PCDHGB4: variants seen among roughly 807,000 people sequenced by gnomAD.
PCDHGB4 encodes the protein protocadherin gamma-B4.
Under a neutral mutation model 60.5 loss-of-function variants are expected in PCDHGB4, and 38 were observed. The observed-to-expected ratio is 0.63, with a 90% CI of 0.48 to 0.82. The LOEUF is 0.82. Among genes scored for constraint, PCDHGB4 ranks in the 40% least tolerant of loss-of-function variants. PCDHGB4 has a pLI of 0.00. For missense variants in PCDHGB4, 1,109 were observed against 1,209.6 expected, an observed-to-expected ratio of 0.92 and a Z score of 1.23; for synonymous variants, 456 against 509.7, an observed-to-expected ratio of 0.89 and a Z score of 1.42.
Position 141,476,836 on chromosome 5 carries a change from T to G in PCDHGB4, c.2398-17971T>G. 1 of 1,613,652 alleles carries G rather than the reference T, an allele frequency of 6.2e-7. No homozygotes were observed. The highest frequency in any genetic ancestry group is 8.5e-7 in the Non-Finnish European group (1 of 1,180,042). On this transcript the variant is annotated intron_variant, in intron 1 of 3. Coordinates refer to ENST00000519479, the MANE Select transcript of PCDHGB4 (RefSeq NM_003736.4). The surrounding 1 kb of genome is among the most constrained non-coding windows in gnomAD (Gnocchi z 7.6). ...TCAAGGTGCTGGACGCGAATGACAATGCGCCTGTCTTCAACCAGTCCTTGT... is the reference window on the plus strand; with the variant it reads ...TCAAGGTGCTGGACGCGAATGACAAGGCGCCTGTCTTCAACCAGTCCTTGT...
intron 1 of PCDHGB4, chr5:141,392,511 A>C (rs1368500575): frequency 4.2e-6 from 1 of 240,354 alleles, no homozygotes; most frequent in Non-Finnish European, 7.9e-6. Flanking sequence ...TTTTTTTCTC[A>C]GTAATCTAGT....
rs919430175 is a variant in PCDHGB4 at position 141,389,141 on chromosome 5, C to T, written c.1257C>T (p.Thr419=). 6.2e-7 allele frequency: 1 copy of T among 1,613,996 alleles called. No homozygotes were observed. The highest frequency in any genetic ancestry group is 8.5e-7 in the Non-Finnish European group (1 of 1,179,868). ...DREQNPEYNI[T]VTATDRGKPP... is the part of the protein sequence containing the mutation. Reference sequence around the variant, plus strand: ...AGCAGAATCCAGAGTACAATATAACCGTTACGGCAACAGATCGGGGCAAGC... The same window carrying T: ...AGCAGAATCCAGAGTACAATATAACTGTTACGGCAACAGATCGGGGCAAGC... Residue 419 remains threonine, a synonymous_variant, in exon 1 of 4, where the codon ACC becomes ACT. Coordinates refer to ENST00000519479, the MANE Select transcript of PCDHGB4 (RefSeq NM_003736.4).
chr5:141,491,332 C>T lies in PCDHGB4; in HGVS notation c.2398-3475C>T, dbSNP rs1013118722. 2 of 1,614,072 alleles carry T rather than the reference C, an allele frequency of 1.2e-6. No individual in the cohort carries two copies. The highest frequency in any genetic ancestry group is 2.7e-5 in the African/African-American group (2 of 74,944). On this transcript the variant is annotated intron_variant, in intron 1 of 3. Coordinates refer to ENST00000519479, the MANE Select transcript of PCDHGB4 (RefSeq NM_003736.4). This position sits in a 1 kb window ranked among gnomAD's most constrained non-coding sequence, Gnocchi z 6.9. ...CCTTACCCTTTACCTCATTGTGGCT[C>T]TAGCGACCGTCAGTCTCTTATCCCT...
intron 1 of PCDHGB4, chr5:141,423,755 G>T (rs1236551808): frequency 9.8e-6 from 5 of 512,508 alleles, no homozygotes; most frequent in Non-Finnish European, 1.3e-5. Flanking sequence ...CTGTTTGGGG[G>T]GGGGGTGGGG....
rs112731052 is a variant in PCDHGB4 at position 141,457,109 on chromosome 5, A to G, written c.2398-37698A>G. ...TATAAGGATACTAATTAAGCAAAAT[A>G]CGACAGCAATGGAAACTCTGTCCAA... is the stretch of plus-strand genomic sequence containing the variant. On this transcript the variant is annotated intron_variant, in intron 1 of 3. Coordinates refer to ENST00000519479, the MANE Select transcript of PCDHGB4 (RefSeq NM_003736.4). 8.3e-3 allele frequency among the ~76,000 whole-genome samples: 1,258 copies of G among 152,360 alleles called. 17 individuals are homozygous for G. Among genetic ancestry groups the G allele is most frequent in the African/African-American group, 0.029 (1,195 of 41,578 alleles).
Position 141,485,602 on chromosome 5 carries a change from G to A in PCDHGB4, c.2398-9205G>A, listed in dbSNP as rs766134158. On this transcript the variant is annotated intron_variant, in intron 1 of 3. Transcript: ENST00000519479. The surrounding 1 kb of genome is among the most constrained non-coding windows in gnomAD (Gnocchi z 5.7). ...GGCAGCAGCTGGACTTGGAAATTGG[G>A]GAGGCAGCTCCTCCAGGACAGCGTT... is the stretch of plus-strand genomic sequence containing the variant. 2.5e-6 allele frequency: 4 copies of A among 1,612,418 alleles called. No individual in the cohort carries two copies. In the Admixed American group the frequency reaches 5.0e-5, roughly 20 times the overall value.
At chr5:141,498,971 GGGAAGGAA>G (rs201769957) in intron 2 of PCDHGB4, among the ~76,000 whole-genome samples, 18,877 of 110,786 alleles carry the variant, frequency 0.17, 1,784 homozygotes, top group Admixed American at 0.31. Context: ...GAGGGAGGGA[GGGAAGGAA>G]GGAAGGAAGG....
chr5:141,501,635 T>G (rs553343946), intron 2 of PCDHGB4, among the ~76,000 whole-genome samples: 1 of 152,236 alleles, frequency 6.6e-6, no homozygotes, highest in African/African-American at 2.4e-5. Flanking sequence ...TCTCAACCTC[T>G]CTGAGCCCTG....
chr5:141,459,232 G>C (rs1293027771), intron 1 of PCDHGB4, among the ~76,000 whole-genome samples: 1 of 152,152 alleles, frequency 6.6e-6, no homozygotes, highest in Non-Finnish European at 1.5e-5. Context: ...GCAACAACTG[G>C]TCTGCTTCCT....
intron 1 of PCDHGB4, chr5:141,413,141 G>A: frequency 1.3e-6 from 2 of 1,564,906 alleles, no homozygotes; most frequent in Non-Finnish European, 1.7e-6. Context: ...AACGTGTCCA[G>A]TGAGGACTTT....
intron 2 of PCDHGB4, among the ~76,000 whole-genome samples, chr5:141,502,517 G>A (rs1333510345): frequency 1.3e-5 from 2 of 152,128 alleles, no homozygotes; most frequent in Admixed American, 6.6e-5. Flanking sequence ...CCCACTATCA[G>A]TGATGCCGAG....
In PCDHGB4 at chr5:141,505,466, T is replaced by C. The variant is rs763151131; in HGVS notation, c.2530T>C (p.Leu844=). 1 of 1,614,200 alleles carries C rather than the reference T, an allele frequency of 6.2e-7. No individual in the cohort carries two copies. The highest frequency in any genetic ancestry group is 1.3e-5 in the African/African-American group (1 of 75,068). The part of the protein sequence containing the change: ...FDTEMLQAMI[L]ASASEAADGS... Reference sequence around the variant, plus strand: ...CACAGAGATGCTGCAAGCCATGATCTTGGCGTCCGCCAGTGGTAAGTGGTG... The same window carrying C: ...CACAGAGATGCTGCAAGCCATGATCCTGGCGTCCGCCAGTGGTAAGTGGTG... The change falls in exon 3 of 4, where the codon TTG becomes CTG. Residue 844 remains leucine, a synonymous_variant. Transcript: ENST00000519479.
intron 1 of PCDHGB4, chr5:141,414,681 G>A: frequency 6.2e-7 from 1 of 1,613,954 alleles, no homozygotes; most frequent in African/African-American, 1.3e-5. Context: ...CCATCCAGGG[G>A]GTACCTCTGT....
chr5:141,505,520 C>T, intron 3 of PCDHGB4, 39 bp downstream of exon 3: 1 of 1,612,650 alleles, frequency 6.2e-7, no homozygotes, highest in Non-Finnish European at 8.5e-7. Flanking sequence ...AGTGGGAGAC[C>T]TGGGGTTCTG....
chr5:141,446,917 C>G (rs979679080), intron 1 of PCDHGB4, among the ~76,000 whole-genome samples: 1 of 152,108 alleles, frequency 6.6e-6, no homozygotes, highest in South Asian at 2.1e-4. Flanking sequence ...TTTTATTTAT[C>G]TTCCTGATCT....
chr5:141,389,828 A>C lies in PCDHGB4; in HGVS notation c.1944A>C (p.Gly648=). The change falls in exon 1 of 4, where the codon GGA becomes GGC. Residue 648 remains glycine, a synonymous_variant. Transcript: ENST00000519479. ...TTCTGGTCGCCGTGCGTGACGGTGG[A>C]CAGCCACCACTCTCGGCCACTGCCA... ...QRLLVAVRDG[G]QPPLSATATL... The C allele has an allele frequency of 6.2e-7, 1 of 1,613,938 alleles. No homozygotes were observed. The highest frequency in any genetic ancestry group is 8.5e-7 in the Non-Finnish European group (1 of 1,179,894).
chr5:141,500,104 T>G (rs917633032), intron 2 of PCDHGB4, among the ~76,000 whole-genome samples: 4 of 152,124 alleles, frequency 2.6e-5, no homozygotes, highest in Non-Finnish European at 4.4e-5. Flanking sequence ...AATTTATTTG[T>G]TGAATCCCTG....
At position 141,388,408 on chromosome 5, in the gene PCDHGB4, G is replaced by A. The variant is rs2091351933; in HGVS notation, c.524G>A (p.Ser175Asn). Reference protein sequence around the residue: ...NTLQNYQLSPSDHFSLINKEK... With the variant: ...NTLQNYQLSPNDHFSLINKEK... The stretch of plus-strand genomic sequence containing the variant: ...CTGCAGAATTACCAACTCAGTCCCA[G>A]TGATCATTTCTCACTGATAAATAAA... Residue 175 changes from serine to asparagine, a missense_variant, in exon 1 of 4, where the codon AGT becomes AAT. Ser to Asn is a conservative substitution (Grantham distance 46). This residue lies in a region of PCDHGB4 where 1,068 missense variants were observed against 1,089.9 expected (regional missense o/e 0.98). Transcript: ENST00000519479. 6.2e-7 allele frequency: 1 copy of A among 1,613,848 alleles called. No homozygotes were observed. Among genetic ancestry groups the A allele is most frequent in the African/African-American group, 1.3e-5 (1 of 74,940 alleles).
intron 1 of PCDHGB4, among the ~76,000 whole-genome samples, chr5:141,446,664 G>A (rs116573282): frequency 0.012 from 1,821 of 152,192 alleles, 38 homozygotes; most frequent in African/African-American, 0.042. Context: ...TTTAGTACAA[G>A]ACAGCATTTC....
Sources: gnomAD v4.1 joint callset for allele counts (sites outside exome capture counted in the v4.1 genomes callset) on GRCh38, gnomAD v4.1.1 for gene constraint, gnomAD v4.1.1 regional missense constraint, Gnocchi (gnomAD v3.1) non-coding constraint, MANE v1.5 for transcripts, NCBI Gene and HGNC (gene_info 2026-07-23, HGNC 2026-07-21) for gene names.